Variants in VRK3 observed in about 807,000 individuals in gnomAD.
VRK3 encodes the protein serine/threonine-protein kinase VRK3.
In VRK3, 50 loss-of-function variants were observed where a neutral mutation model predicts 60.4. The observed-to-expected ratio is 0.83, with a 90% CI of 0.66 to 1.05. The LOEUF is 1.05. Ranked by LOEUF, VRK3 falls within the 50% of genes least tolerant of loss-of-function variation. The probability of loss-of-function intolerance (pLI) is 0.00; values close to 1 mark genes in which losing one functional copy is unlikely to be tolerated. For synonymous variants in VRK3, 246 were observed against 227.8 expected, an observed-to-expected ratio of 1.08 and a Z score of -0.72; for missense variants, 549 against 585.3, an observed-to-expected ratio of 0.94 and a Z score of 0.64.
chr19:49,989,851 C>A (rs1035040143), intron 10 of VRK3, 80 bp from the exon 11 acceptor site: 45 of 1,452,634 alleles, frequency 3.1e-5, no homozygotes, highest in Admixed American at 4.6e-5. Context: ...GTGCAAGTGA[C>A]AACAAACATT....
chr19:50,016,035 G>C lies in VRK3; in HGVS notation c.128C>G (p.Ser43Ter), dbSNP rs2077070675. ...GSQTFVNPHV[S>*]SFQGSKRGLN... ...GCTCTGGTTCTTACCTTGGAAGGATGACACATGTGGATTGACAAAGGTCTG... is the reference window on the plus strand; with the variant it reads ...GCTCTGGTTCTTACCTTGGAAGGATCACACATGTGGATTGACAAAGGTCTG... Residue 43 changes from serine (S) to a stop codon, truncating the protein, a stop_gained, in exon 3 of 15, where the codon TCA becomes TGA. Transcript: ENST00000316763. LOFTEE classifies it high-confidence loss of function. 6.2e-7 allele frequency: 1 copy of C among 1,614,044 alleles called. No homozygotes were observed. Among genetic ancestry groups the C allele is most frequent in the South Asian group, 1.1e-5 (1 of 91,076 alleles).
At chr19:50,012,812 T>C (rs938952632) in intron 3 of VRK3, among the ~76,000 whole-genome samples, 6 of 151,462 alleles carry the variant, frequency 4.0e-5, no homozygotes, top group Non-Finnish European at 8.8e-5. Context: ...GAGGCAGAGG[T>C]TGCAGTGAGC....
rs1391185925 is a variant in VRK3, at chr19:50,025,360, AGCGAAAACTTCC to A, written c.-170_-159del. The A allele has an allele frequency of 6.6e-6, 1 of 152,158 alleles. No individual in the cohort carries two copies. Among genetic ancestry groups the A allele is most frequent in the Non-Finnish European group, 1.5e-5 (1 of 68,056 alleles). The allele number at this position is 152,158 out of a possible 1,614,324, so 9.4% of individuals were successfully genotyped here. A position where few individuals can be genotyped will look rare whatever the true frequency, so the allele number is the denominator to read the frequency against. ...CCCGGACTCACCTTCTCAGTTGCCC[AGCGAAAACTTCC>A]GCTGGGCGGAGAGCGCTGCGCGCGC... On this transcript the variant is annotated 5_prime_UTR_variant, in exon 1 of 15. Transcript: ENST00000316763.
rs190595081 is a variant in VRK3, at chr19:50,006,805, C to T, written c.547+764G>A. On this transcript the variant is annotated intron_variant, in intron 5 of 14. Coordinates refer to ENST00000316763, the MANE Select transcript of VRK3 (RefSeq NM_016440.4). The stretch of plus-strand genomic sequence containing the variant: ...TTGCAGAAGCACTCAATATTTATTA[C>T]AGTTAATACTAATACTACTGCCATA... Among the ~76,000 whole-genome samples the T allele has an allele frequency of 3.2e-3, 485 of 152,332 alleles. 4 individuals are homozygous for T. Among genetic ancestry groups the T allele is most frequent in the Non-Finnish European group, 5.7e-3 (388 of 68,032 alleles).
chr19:49,990,448 G>T (rs147287925), intron 10 of VRK3, among the ~76,000 whole-genome samples: 1 of 151,562 alleles, frequency 6.6e-6, no homozygotes, highest in Admixed American at 6.6e-5. Context: ...GTGCAGTGGC[G>T]CGATCACGGC....
At chr19:49,989,184 A>G (rs529828908) in intron 11 of VRK3, among the ~76,000 whole-genome samples, 2 of 152,252 alleles carry the variant, frequency 1.3e-5, no homozygotes, top group South Asian at 2.1e-4. Flanking sequence ...GAGGGGCTCA[A>G]GAAATCTGCC....
chr19:49,988,224 C>T, intron 12 of VRK3, 148 bp downstream of exon 12: 4 of 1,275,598 alleles, frequency 3.1e-6, no homozygotes, highest in Non-Finnish European at 4.2e-6. Context: ...GTGGACACTG[C>T]AGCACATGCC....
chr19:50,000,547 G>T lies in VRK3; in HGVS notation c.612+243C>A, dbSNP rs907490769. The T allele has an allele frequency of 2.1e-5, 12 of 560,270 alleles. No individual in the cohort carries two copies. In the Middle Eastern group the frequency reaches 1.4e-3, roughly 67 times the overall value. 34.7% of individuals were successfully genotyped at this position (560,270 alleles called of 1,614,324 possible). A position where few individuals can be genotyped will look rare whatever the true frequency, so the allele number is the denominator to read the frequency against. On this transcript the variant is annotated intron_variant, in intron 6 of 14. Transcript: ENST00000316763. Reference sequence around the variant, plus strand: ...ACTGAGCTCTGAGGGGGATGGGCTTGCCCAGGTCACACAGCAGGGAAGCAT... The same window carrying T: ...ACTGAGCTCTGAGGGGGATGGGCTTTCCCAGGTCACACAGCAGGGAAGCAT...
At chr19:49,996,268 G>A (rs1011660295) in intron 7 of VRK3, among the ~76,000 whole-genome samples, 1 of 151,998 alleles carries the variant, frequency 6.6e-6, no homozygotes, top group African/African-American at 2.4e-5. Flanking sequence ...TGTTGGCCAG[G>A]CTGGTCTCGA....
At chr19:49,979,294 C>T (rs779553151) in intron 13 of VRK3, 52 bp from the exon 14 acceptor site, 1 of 1,612,654 alleles carries the variant, frequency 6.2e-7, no homozygotes, top group Non-Finnish European at 8.5e-7. Context: ...CATCCCCCAA[C>T]CCCGATCCTG....
rs1322965601 is a variant in VRK3, at chr19:49,994,902, C to T, written c.782G>A (p.Ser261Asn). Residue 261 changes from serine to asparagine, a missense_variant, in exon 9 of 15, where the codon AGC (serine) becomes AAC (asparagine). Ser to Asn is a conservative substitution (Grantham distance 46). Coordinates refer to ENST00000316763, the MANE Select transcript of VRK3 (RefSeq NM_016440.4). Reference sequence around the variant, plus strand: ...GGCCGACTGAAGGCTCCTCCCCAGGCTGGGTAACACCAAGAACCTGGAAGA... The same window carrying T: ...GGCCGACTGAAGGCTCCTCCCCAGGTTGGGTAACACCAAGAACCTGGAAGA... ...QDKYRFLVLPSLGRSLQSALD... is the reference protein window; with the variant it reads ...QDKYRFLVLPNLGRSLQSALD... 6.2e-7 allele frequency: 1 copy of T among 1,614,032 alleles called. No individual in the cohort carries two copies. Among genetic ancestry groups the T allele is most frequent in the Non-Finnish European group, 8.5e-7 (1 of 1,180,000 alleles).
chr19:50,007,029 G>GA (rs1488204227), intron 5 of VRK3, among the ~76,000 whole-genome samples: 1 of 152,082 alleles, frequency 6.6e-6, no homozygotes, highest in Admixed American at 6.5e-5. Flanking sequence ...CAAGCACGAT[G>GA]AAACACCTGA....
At chr19:49,987,864 G>C (rs925552034) in intron 12 of VRK3, 5 of 152,442 alleles carry the variant, frequency 3.3e-5, no homozygotes, top group Admixed American at 1.3e-4. Flanking sequence ...CACCATGCCT[G>C]GCTAATTTTT....
At chr19:50,022,659 T>C (rs1001753734) in intron 1 of VRK3, among the ~76,000 whole-genome samples, 2 of 150,122 alleles carry the variant, frequency 1.3e-5, no homozygotes, top group Admixed American at 6.6e-5. Context: ...CCGGGCGTGG[T>C]GGTGGGCACC....
Position 49,988,550 on chromosome 19 carries a change from G to T in VRK3, c.1097-58C>A. 3 of 1,585,438 alleles carry T rather than the reference G, an allele frequency of 1.9e-6. No individual in the cohort carries two copies. In the South Asian group the frequency reaches 3.4e-5, roughly 18 times the overall value. On this transcript the variant is annotated intron_variant, in intron 11 of 14. Coordinates refer to ENST00000316763, the MANE Select transcript of VRK3 (RefSeq NM_016440.4). ...GTCTGGACGCTCCACTCACTGGTGG[G>T]TCCACCCCCCTTCCTTCCCCTCTCT...
intron 7 of VRK3, among the ~76,000 whole-genome samples, chr19:49,995,679 G>A (rs1226377770): frequency 6.6e-6 from 1 of 152,232 alleles, no homozygotes; most frequent in Non-Finnish European, 1.5e-5. Flanking sequence ...CAGAACCAAT[G>A]GCGAGCTGAT....
At chr19:49,991,943 C>A (rs1219614825) in intron 10 of VRK3, among the ~76,000 whole-genome samples, 2 of 152,190 alleles carry the variant, frequency 1.3e-5, no homozygotes, top group African/African-American at 4.8e-5. Flanking sequence ...ATTGTAAGAG[C>A]AATTAGAAGT....
Position 50,016,006 on chromosome 19 carries a change from C to G in VRK3, c.139+18G>C. Reference sequence around the variant, plus strand: ...CTTATTCCCACCGCAGAAACAGGCTCAATGCTCTGGTTCTTACCTTGGAAG... The same window carrying G: ...CTTATTCCCACCGCAGAAACAGGCTGAATGCTCTGGTTCTTACCTTGGAAG... On this transcript the variant is annotated intron_variant, in intron 3 of 14. Coordinates refer to ENST00000316763, the MANE Select transcript of VRK3 (RefSeq NM_016440.4). 6.2e-7 allele frequency: 1 copy of G among 1,614,128 alleles called. No homozygotes were observed. Among genetic ancestry groups the G allele is most frequent in the Non-Finnish European group, 8.5e-7 (1 of 1,180,002 alleles).
At chr19:50,004,650 G>A (rs1025128277) in intron 5 of VRK3, among the ~76,000 whole-genome samples, 2 of 152,180 alleles carry the variant, frequency 1.3e-5, no homozygotes, top group East Asian at 1.9e-4. Context: ...GATCCTGCCT[G>A]TAATCCCAGC....
Sources: allele counts gnomAD v4.1 joint callset (sites outside exome capture counted in the v4.1 genomes callset), GRCh38; gene constraint gnomAD v4.1.1; transcripts MANE v1.5; gene names NCBI Gene and HGNC (gene_info 2026-07-23, HGNC 2026-07-21).